The following ZZEF1 variants were observed in gnomAD, a reference collection of about 807,000 sequenced individuals.
The protein encoded by ZZEF1 is zinc finger ZZ-type and EF-hand domain-containing protein 1.
ZZEF1 carries 157 observed loss-of-function variants against 342.8 expected under a neutral mutation model. The ratio of observed to expected loss-of-function variants is 0.46; its 90% CI spans 0.40 to 0.52. ZZEF1 has a LOEUF of 0.52. Among genes scored for constraint, ZZEF1 ranks in the 20% least tolerant of loss-of-function variants. The pLI, the probability that ZZEF1 is intolerant of heterozygous loss-of-function variation, is 0.00. For synonymous variants in ZZEF1, 1,505 were observed against 1,429.1 expected (o/e 1.05, Z -1.20); for missense variants, 3,480 against 3,725.6 (o/e 0.93, Z 1.72).
chr17:4,044,419 A>C, intron 37 of ZZEF1, 45 bp from the exon 38 acceptor site: 1 of 1,553,498 alleles, frequency 6.4e-7, no homozygotes, highest in African/African-American at 1.4e-5. Context: ...CTTATAACAA[A>C]GTTTGCTCCA....
At chr17:4,128,849 G>T (rs567645754) in intron 1 of ZZEF1, among the ~76,000 whole-genome samples, 1 of 138,354 alleles carries the variant, frequency 7.2e-6, no homozygotes, top group Non-Finnish European at 1.5e-5. Context: ...TCGGCTTACT[G>T]CAACCTCCGC....
Position 4,017,251 on chromosome 17 carries a change from C to T in ZZEF1, c.8001+120G>A. On this transcript the variant is annotated intron_variant, in intron 48 of 54. Coordinates refer to ENST00000381638, the MANE Select transcript of ZZEF1 (RefSeq NM_015113.4). The surrounding 1 kb of genome is among the most constrained non-coding windows in gnomAD (Gnocchi z 5.1). ...TGACCCTACCTTTGCTGCATTCACA[C>T]CTGTCAGGGAGCTGCACAGCCACAC... The T allele has an allele frequency of 7.2e-7, 1 of 1,395,858 alleles. No individual in the cohort carries two copies. Among genetic ancestry groups the T allele is most frequent in the Admixed American group, 2.3e-5 (1 of 44,222 alleles). The allele number at this position is 1,395,858 out of a possible 1,614,324, so 86.5% of individuals were successfully genotyped here. A position where few individuals can be genotyped will look rare whatever the true frequency, so the allele number is the denominator to read the frequency against.
At chr17:4,081,749 C>G (rs1256732166) in intron 17 of ZZEF1, among the ~76,000 whole-genome samples, 1 of 152,210 alleles carries the variant, frequency 6.6e-6, no homozygotes, top group Admixed American at 6.5e-5. Context: ...AATAAATCAC[C>G]TTGGCCACCA....
chr17:4,133,697 T>C (rs372594153), intron 1 of ZZEF1, among the ~76,000 whole-genome samples: 8 of 151,848 alleles, frequency 5.3e-5, no homozygotes, highest in African/African-American at 1.9e-4. Context: ...ACCAAGGCTA[T>C]AAAAATACTG....
chr17:4,137,603 G>A (rs2058773268), intron 1 of ZZEF1, among the ~76,000 whole-genome samples: 1 of 152,058 alleles, frequency 6.6e-6, no homozygotes, highest in South Asian at 2.1e-4. Context: ...CAGAGACTCT[G>A]TCTCAAAATA....
At chr17:4,036,290 G>A (rs552401768) in intron 39 of ZZEF1, among the ~76,000 whole-genome samples, 2 of 152,138 alleles carry the variant, frequency 1.3e-5, no homozygotes, top group East Asian at 1.9e-4. Flanking sequence ...TGTGTGTGGG[G>A]TAAGTGGCAC....
chr17:4,134,149 T>C (rs1162491871), intron 1 of ZZEF1, among the ~76,000 whole-genome samples: 2 of 151,830 alleles, frequency 1.3e-5, no homozygotes, highest in Non-Finnish European at 2.9e-5. Flanking sequence ...CAAATAATTA[T>C]GTAATTTCCT....
At position 4,114,295 on chromosome 17, in the gene ZZEF1, C is replaced by A; in HGVS notation, c.866+4G>T. Reference sequence around the variant, plus strand: ...AAAACAAAAAAGTATTATATACCACCCACCGAATCCAGTGTGAACAGGCAC... The same window carrying A: ...AAAACAAAAAAGTATTATATACCACACACCGAATCCAGTGTGAACAGGCAC... On this transcript the variant is annotated splice_donor_region_variant and intron_variant, in intron 4 of 54. Coordinates refer to ENST00000381638, the MANE Select transcript of ZZEF1 (RefSeq NM_015113.4). The A allele has an allele frequency of 1.3e-6, 2 of 1,570,544 alleles. No individual in the cohort carries two copies. The highest frequency in any genetic ancestry group is 1.7e-6 in the Non-Finnish European group (2 of 1,161,756).
intron 16 of ZZEF1, among the ~76,000 whole-genome samples, chr17:4,084,605 AGTTTT>A (rs1448742393): frequency 6.6e-6 from 1 of 152,184 alleles, no homozygotes; most frequent in Non-Finnish European, 1.5e-5. Context: ...AGAGAGAAAA[AGTTTT>A]GTTTTGTTTT....
Position 4,088,902 on chromosome 17 carries a change from G to A in ZZEF1, c.2026-9C>T, listed in dbSNP as rs752293767. The A allele has an allele frequency of 6.2e-7, 1 of 1,612,872 alleles. No homozygotes were observed. Among genetic ancestry groups the A allele is most frequent in the Non-Finnish European group, 8.5e-7 (1 of 1,179,430 alleles). On this transcript the variant is annotated splice_polypyrimidine_tract_variant and intron_variant, in intron 12 of 54. Coordinates refer to ENST00000381638, the MANE Select transcript of ZZEF1 (RefSeq NM_015113.4). Reference sequence around the variant, plus strand: ...AACTTCACCATCAAATACTGGACAGGACAAGAGAGATTTCAATAGAAGAAC... The same window carrying A: ...AACTTCACCATCAAATACTGGACAGAACAAGAGAGATTTCAATAGAAGAAC...
At position 4,117,039 on chromosome 17, in the gene ZZEF1, A is replaced by G. The variant is rs541271968; in HGVS notation, c.627T>C (p.Asn209=). 11 of 1,614,070 alleles carry G rather than the reference A, an allele frequency of 6.8e-6. No homozygotes were observed. In the East Asian group the frequency reaches 2.0e-4, roughly 29 times the overall value. ...VMPYPMLEHC[N]NMCTMRSSVL... ...CGGAAGACCGCATGGTGCACATGTT[A>G]TTGCAGTGCTCCAGCATCGGGTAGG... Residue 209 remains asparagine, a synonymous_variant, in exon 3 of 55, where the codon AAT becomes AAC. Transcript: ENST00000381638.
At chr17:4,132,876 G>A (rs765606982) in intron 1 of ZZEF1, among the ~76,000 whole-genome samples, 5 of 152,142 alleles carry the variant, frequency 3.3e-5, no homozygotes, top group African/African-American at 4.8e-5. Flanking sequence ...TGAGGCAGGA[G>A]AATGGCATGA....
chr17:4,101,768 A>T (rs1361304700), intron 9 of ZZEF1, among the ~76,000 whole-genome samples: 3 of 152,142 alleles, frequency 2.0e-5, no homozygotes, highest in African/African-American at 7.2e-5. Context: ...CTGGAATTAC[A>T]GGTGCCCTGC....
At chr17:4,036,810 C>T (rs934449862) in intron 39 of ZZEF1, among the ~76,000 whole-genome samples, 1 of 92,982 alleles carries the variant, frequency 1.1e-5, no homozygotes, top group Non-Finnish European at 1.9e-5. Flanking sequence ...CACACACACA[C>T]ACACACACTC....
At chr17:4,009,221 G>A in intron 53 of ZZEF1, 2 of 573,528 alleles carry the variant, frequency 3.5e-6, no homozygotes, top group South Asian at 2.1e-5. Context: ...TGAAAGGAGA[G>A]GGAAGCTAAA....
chr17:4,034,637 T>C (rs1486754237), intron 39 of ZZEF1, among the ~76,000 whole-genome samples: 3 of 152,226 alleles, frequency 2.0e-5, no homozygotes, highest in African/African-American at 7.2e-5. Context: ...GGCCAGGAGA[T>C]AACAACTGTT....
intron 42 of ZZEF1, among the ~76,000 whole-genome samples, chr17:4,026,490 C>T (rs908691380): frequency 7.3e-5 from 11 of 151,244 alleles, no homozygotes; most frequent in Non-Finnish European, 1.3e-4. Flanking sequence ...TCTACACAAG[C>T]CAGAAGACAA....
chr17:4,031,290 T>TG (rs1264839407), intron 42 of ZZEF1, among the ~76,000 whole-genome samples: 1 of 148,082 alleles, frequency 6.8e-6, no homozygotes, highest in African/African-American at 2.5e-5. Context: ...CACTCCAGCC[T>TG]GGGCAACAGA....
At chr17:4,095,669 T>G (rs538135403) in intron 11 of ZZEF1, among the ~76,000 whole-genome samples, 162 bp downstream of exon 11, 1 of 152,308 alleles carries the variant, frequency 6.6e-6, no homozygotes, top group East Asian at 1.9e-4. Context: ...GATATGCTAC[T>G]AGAAAGCAAT....
Sources: gnomAD v4.1 joint callset for allele counts (sites outside exome capture counted in the v4.1 genomes callset) on GRCh38, gnomAD v4.1.1 for gene constraint, Gnocchi (gnomAD v3.1) non-coding constraint, MANE v1.5 for transcripts, NCBI Gene and HGNC (gene_info 2026-07-23, HGNC 2026-07-21) for gene names.